Variants in PRKG1 observed in about 807,000 individuals in gnomAD.
The protein encoded by PRKG1 is protein kinase cGMP-dependent 1, also known as cGMP-dependent protein kinase 1.
In PRKG1, 35 loss-of-function variants were observed where a neutral mutation model predicts 88.1. The ratio of observed to expected loss-of-function variants is 0.40; its 90% CI spans 0.30 to 0.53. The LOEUF is 0.53. Ranked by LOEUF, PRKG1 falls within the 20% of genes least tolerant of loss-of-function variation. The probability of loss-of-function intolerance (pLI) is 0.59; values close to 1 mark genes in which losing one functional copy is unlikely to be tolerated. For synonymous variants in PRKG1, 303 were observed against 292.5 expected (o/e 1.04, Z -0.37); for missense variants, 540 against 839.8 (o/e 0.64, Z 4.41).
chr10:51,422,829 C>G (rs927846019), intron 2 of PRKG1, among the ~76,000 whole-genome samples: 7 of 152,052 alleles, frequency 4.6e-5, no homozygotes, highest in African/African-American at 1.7e-4. Context: ...TTGCCTTTAT[C>G]TGATCAAAAC....
intron 2 of PRKG1, among the ~76,000 whole-genome samples, chr10:51,374,082 C>CAAAAAA (rs769407143): frequency 2.2e-4 from 21 of 95,572 alleles, no homozygotes; most frequent in African/African-American, 5.6e-4. Context: ...GCAGAGGTTG[C>CAAAAAA]AAAAAAAAAA....
At chr10:51,669,382 A>G (rs1028233538) in intron 3 of PRKG1, among the ~76,000 whole-genome samples, 1 of 152,138 alleles carries the variant, frequency 6.6e-6, no homozygotes. Context: ...CATTCTAATG[A>G]CCTAATTTAA....
At chr10:51,478,359 C>G (rs866335590) in intron 3 of PRKG1, among the ~76,000 whole-genome samples, 1 of 152,076 alleles carries the variant, frequency 6.6e-6, no homozygotes, top group South Asian at 2.1e-4. Flanking sequence ...AAGGAAGAAT[C>G]TGAATCTATA....
intron 5 of PRKG1, among the ~76,000 whole-genome samples, chr10:52,039,222 G>A (rs1489748901): frequency 1.3e-5 from 2 of 152,140 alleles, no homozygotes; most frequent in East Asian, 1.9e-4. Flanking sequence ...GTCGGTGAAG[G>A]GAGATAGGGG....
chr10:51,784,958 T>C (rs1489401008), intron 3 of PRKG1, among the ~76,000 whole-genome samples: 1 of 152,112 alleles, frequency 6.6e-6, no homozygotes, highest in African/African-American at 2.4e-5. Context: ...CTATGACTAA[T>C]TAAAATAAAT....
intron 2 of PRKG1, among the ~76,000 whole-genome samples, chr10:51,370,510 GTA>G (rs888790502): frequency 1.3e-4 from 12 of 91,794 alleles, no homozygotes; most frequent in African/African-American, 4.4e-4. Context: ...GTGTGTGTGT[GTA>G]TGTGTGTGTG....
intron 2 of PRKG1, among the ~76,000 whole-genome samples, chr10:51,316,510 C>A (rs973889515): frequency 6.6e-6 from 1 of 151,906 alleles, no homozygotes; most frequent in Non-Finnish European, 1.5e-5. Context: ...GGTAAAACAC[C>A]ATCTCTACTA....
chr10:51,266,890 C>T (rs1238225177), intron 2 of PRKG1, among the ~76,000 whole-genome samples: 1 of 152,006 alleles, frequency 6.6e-6, no homozygotes, highest in East Asian at 1.9e-4. Context: ...TTAGTTATAA[C>T]ATTTCTTATA....
intron 2 of PRKG1, among the ~76,000 whole-genome samples, chr10:51,394,281 C>T (rs1443554653): frequency 6.6e-6 from 1 of 152,202 alleles, no homozygotes; most frequent in African/African-American, 2.4e-5. Context: ...TGAACTCTGC[C>T]TGTGAGCTGG....
chr10:52,117,293 C>T (rs1025253702), intron 7 of PRKG1, among the ~76,000 whole-genome samples: 1 of 150,414 alleles, frequency 6.6e-6, no homozygotes, highest in Non-Finnish European at 1.5e-5. Flanking sequence ...AAATACCTTC[C>T]TTAGTTTATC....
intron 3 of PRKG1, among the ~76,000 whole-genome samples, chr10:51,624,897 G>A (rs558628115): frequency 1.3e-5 from 2 of 152,320 alleles, no homozygotes; most frequent in South Asian, 4.1e-4. Flanking sequence ...CTGGTTATCA[G>A]AGGCTGGGGA....
chr10:51,703,332 T>A (rs1198752634), intron 3 of PRKG1, among the ~76,000 whole-genome samples: 2 of 152,192 alleles, frequency 1.3e-5, no homozygotes, highest in East Asian at 3.9e-4. Flanking sequence ...TTTTGAGTAA[T>A]GACAGTCATT....
chr10:52,118,701 T>C (rs1847745953), intron 7 of PRKG1, among the ~76,000 whole-genome samples: 1 of 152,112 alleles, frequency 6.6e-6, no homozygotes, highest in South Asian at 2.1e-4. Context: ...TTCTTTTCTT[T>C]ACAGTTGTTT....
chr10:51,191,596 T>A (rs1048048343), intron 2 of PRKG1, among the ~76,000 whole-genome samples: 2 of 151,872 alleles, frequency 1.3e-5, no homozygotes, highest in African/African-American at 4.8e-5. Context: ...GACTTATTAG[T>A]GGCCAGATAC....
chr10:52,285,301 C>A (rs941279518), intron 14 of PRKG1, among the ~76,000 whole-genome samples: 4 of 152,084 alleles, frequency 2.6e-5, no homozygotes, highest in African/African-American at 9.7e-5. Flanking sequence ...GGACTGGGTA[C>A]ATAAATTAGA....
chr10:51,659,557 C>T (rs1258420881), intron 3 of PRKG1, among the ~76,000 whole-genome samples: 1 of 152,036 alleles, frequency 6.6e-6, no homozygotes, highest in Middle Eastern at 3.2e-3. Flanking sequence ...AAATATGAGA[C>T]TAAAGGGCAG....
intron 4 of PRKG1, among the ~76,000 whole-genome samples, chr10:51,862,559 T>C (rs1263828603): frequency 1.3e-5 from 2 of 152,092 alleles, no homozygotes; most frequent in Admixed American, 6.6e-5. Flanking sequence ...GAGTCTGGGA[T>C]TTTTATGAGC....
In PRKG1 at chr10:51,879,557, T is replaced by C. The variant is rs149857253; in HGVS notation, c.699-27950T>C. 9.8e-4 allele frequency among the ~76,000 whole-genome samples: 149 copies of C among 152,364 alleles called. 3 individuals carry two copies. The East Asian group carries it at 0.021, about 22-fold the overall frequency. On this transcript the variant is annotated intron_variant, in intron 4 of 17. Transcript: ENST00000373980. Reference sequence around the variant, plus strand: ...TCACTTTCTCTGAGGTTTTCTTTTTTACTCAAGTTCTGTAAGTCTACATCT... The same window carrying C: ...TCACTTTCTCTGAGGTTTTCTTTTTCACTCAAGTTCTGTAAGTCTACATCT...
At chr10:51,471,963 G>A (rs2132824022) in intron 3 of PRKG1, among the ~76,000 whole-genome samples, 1 of 151,836 alleles carries the variant, frequency 6.6e-6, no homozygotes, top group African/African-American at 2.4e-5. Context: ...TCCTTAAATT[G>A]TTAATAACAA....
Sources: gnomAD v4.1 joint callset for allele counts (sites outside exome capture counted in the v4.1 genomes callset) on GRCh38, gnomAD v4.1.1 for gene constraint, MANE v1.5 for transcripts, NCBI Gene and HGNC (gene_info 2026-07-23, HGNC 2026-07-21) for gene names.